The following TRAPPC9 variants were observed in gnomAD, a reference collection of about 807,000 sequenced individuals.
TRAPPC9 encodes the protein IKK2 binding protein.
In TRAPPC9, 83 loss-of-function variants were observed where a neutral mutation model predicts 124.0. That is an observed-to-expected ratio of 0.67 (90% confidence interval 0.56 to 0.80). TRAPPC9 has a LOEUF of 0.80. TRAPPC9 is among the 30% of genes least tolerant of loss of function. The pLI, the probability that TRAPPC9 is intolerant of heterozygous loss-of-function variation, is 0.00. For missense variants in TRAPPC9, 1,302 were observed against 1,508.3 expected, an observed-to-expected ratio of 0.86 and a Z score of 2.27; for synonymous variants, 638 against 617.5, an observed-to-expected ratio of 1.03 and a Z score of -0.49.
chr8:140,413,175 G>A (rs1293283809), intron 5 of TRAPPC9, among the ~76,000 whole-genome samples: 2 of 152,120 alleles, frequency 1.3e-5, no homozygotes, highest in Non-Finnish European at 2.9e-5. Context: ...GATCACCTGA[G>A]GTCAGGAGTT....
chr8:140,300,208 C>G (rs950240789), intron 11 of TRAPPC9, among the ~76,000 whole-genome samples: 1 of 152,112 alleles, frequency 6.6e-6, no homozygotes, highest in Non-Finnish European at 1.5e-5. Context: ...CACATCCACA[C>G]ATGGACACAT....
intron 3 of TRAPPC9, 42 bp downstream of exon 3, chr8:140,439,010 G>A (rs1588357023): frequency 6.2e-7 from 1 of 1,613,246 alleles, no homozygotes; most frequent in East Asian, 2.2e-5. Flanking sequence ...ATTAACAGTT[G>A]AAACAATTAC....
intron 17 of TRAPPC9, among the ~76,000 whole-genome samples, chr8:140,047,161 CTAA>C (rs987002223): frequency 6.6e-6 from 1 of 152,236 alleles, no homozygotes; most frequent in African/African-American, 2.4e-5. Flanking sequence ...GTTGGAGGAG[CTAA>C]ATATAGCTCC....
At chr8:140,297,623 C>T (rs370664066) in intron 11 of TRAPPC9, among the ~76,000 whole-genome samples, 1 of 152,236 alleles carries the variant, frequency 6.6e-6, no homozygotes, top group Non-Finnish European at 1.5e-5. Context: ...AAAGCCCACA[C>T]GGCTCCTCAG....
chr8:140,074,632 T>A (rs1479752576), intron 17 of TRAPPC9, among the ~76,000 whole-genome samples: 1 of 152,102 alleles, frequency 6.6e-6, no homozygotes, highest in Non-Finnish European at 1.5e-5. Flanking sequence ...CTTGAAAAAC[T>A]CAGAGGAAAG....
chr8:140,250,743 A>T (rs2064113722), intron 16 of TRAPPC9, among the ~76,000 whole-genome samples: 1 of 152,166 alleles, frequency 6.6e-6, no homozygotes, highest in Non-Finnish European at 1.5e-5. Context: ...ATACTATGTA[A>T]ACAACCAGCC....
chr8:139,788,309 A>G lies in TRAPPC9; in HGVS notation c.3056-56107T>C, dbSNP rs1344547177. Among the ~76,000 whole-genome samples, 1 of 152,188 alleles carries G rather than the reference A, an allele frequency of 6.6e-6. No homozygotes were observed. Among genetic ancestry groups the G allele is most frequent in the Non-Finnish European group, 1.5e-5 (1 of 68,026 alleles). On this transcript the variant is annotated intron_variant, in intron 21 of 22. Transcript: ENST00000438773. The surrounding 1 kb of genome is among the most constrained non-coding windows in gnomAD (Gnocchi z 4.9). The stretch of plus-strand genomic sequence containing the variant: ...GGAGGAGGGGAAGGGTGGTGGATTA[A>G]TTTTAAAATTTAACTTGCTTTCCTT...
intron 21 of TRAPPC9, among the ~76,000 whole-genome samples, chr8:139,836,450 T>A (rs201276285): frequency 1.3e-5 from 2 of 151,974 alleles, no homozygotes; most frequent in African/African-American, 2.4e-5. Flanking sequence ...GGGAAGCCGC[T>A]GGGGGGACCT....
chr8:139,746,465 C>A (rs1049388837), intron 21 of TRAPPC9, among the ~76,000 whole-genome samples: 14 of 152,106 alleles, frequency 9.2e-5, no homozygotes, highest in African/African-American at 3.4e-4. Context: ...GCAAGATAGG[C>A]GGGCTATGGG....
At chr8:140,131,208 G>C (rs968242575) in intron 17 of TRAPPC9, among the ~76,000 whole-genome samples, 2 of 152,044 alleles carry the variant, frequency 1.3e-5, no homozygotes, top group African/African-American at 2.4e-5. Flanking sequence ...TGCACGTCAG[G>C]TTTTGTTCTT....
At position 139,810,897 on chromosome 8, in the gene TRAPPC9, G is replaced by A. The variant is rs112514583; in HGVS notation, c.3055+74982C>T. Among the ~76,000 whole-genome samples the A allele has an allele frequency of 8.4e-3, 1,272 of 152,282 alleles. 17 individuals carry two copies. The highest frequency in any genetic ancestry group is 0.029 in the African/African-American group (1,196 of 41,564). On this transcript the variant is annotated intron_variant, in intron 21 of 22. Coordinates refer to ENST00000438773, the MANE Select transcript of TRAPPC9 (RefSeq NM_001160372.4). ...GTGGGGCCCACCATGCTTCCTGTCCGTGAAGCCCACCAGTCAGCCATCCTG... is the reference window on the plus strand; with the variant it reads ...GTGGGGCCCACCATGCTTCCTGTCCATGAAGCCCACCAGTCAGCCATCCTG...
intron 17 of TRAPPC9, chr8:140,096,124 A>C (rs1844928015): frequency 6.6e-6 from 1 of 152,270 alleles, no homozygotes; most frequent in South Asian, 2.1e-4. Context: ...GAGTCCACCC[A>C]TAAGTGTTTG....
intron 19 of TRAPPC9, among the ~76,000 whole-genome samples, chr8:139,917,167 C>CTTTTTTCTTTT (rs1832195372): frequency 1.0e-5 from 1 of 99,926 alleles, no homozygotes; most frequent in African/African-American, 4.3e-5. Flanking sequence ...TTATTATTTT[C>CTTTTTTCTTTT]TTTTTTTTTT....
chr8:139,823,533 C>T (rs981028304), intron 21 of TRAPPC9, among the ~76,000 whole-genome samples: 1 of 152,184 alleles, frequency 6.6e-6, no homozygotes, highest in African/African-American at 2.4e-5. Context: ...CTGGCAGGGT[C>T]ACAGTGACCC....
chr8:140,103,131 A>AG (rs1441118163), intron 17 of TRAPPC9, among the ~76,000 whole-genome samples: 1 of 152,192 alleles, frequency 6.6e-6, no homozygotes, highest in Non-Finnish European at 1.5e-5. Context: ...GTAACAACAG[A>AG]GGGTTAGCAG....
intron 17 of TRAPPC9, among the ~76,000 whole-genome samples, chr8:140,077,018 T>C (rs1843547892): frequency 1.3e-5 from 2 of 151,526 alleles, no homozygotes; most frequent in Non-Finnish European, 2.9e-5. Flanking sequence ...ATTTAAATAT[T>C]AGCTGCGCAT....
chr8:140,011,823 G>T (rs1487884273), intron 18 of TRAPPC9, among the ~76,000 whole-genome samples: 1 of 151,774 alleles, frequency 6.6e-6, no homozygotes, highest in South Asian at 2.1e-4. Flanking sequence ...GATTACAGGT[G>T]CCTGCCATCT....
chr8:140,299,775 A>G (rs1365838502), intron 11 of TRAPPC9, among the ~76,000 whole-genome samples: 1 of 152,236 alleles, frequency 6.6e-6, no homozygotes, highest in South Asian at 2.1e-4. Flanking sequence ...CTGGTGCAGG[A>G]GGGACGAGAG....
intron 21 of TRAPPC9, among the ~76,000 whole-genome samples, chr8:139,758,261 T>C (rs763890620): frequency 6.6e-6 from 1 of 152,180 alleles, no homozygotes; most frequent in Non-Finnish European, 1.5e-5. Context: ...GGTGGGGACA[T>C]GTGCCTGTGG....
Sources: allele counts gnomAD v4.1 joint callset (sites outside exome capture counted in the v4.1 genomes callset), GRCh38; gene constraint gnomAD v4.1.1; non-coding constraint Gnocchi (gnomAD v3.1); transcripts MANE v1.5; gene names NCBI Gene and HGNC (gene_info 2026-07-23, HGNC 2026-07-21).